The following KIF26B variants were observed in gnomAD, a reference collection of about 807,000 sequenced individuals.
The protein encoded by KIF26B is kinesin family member 26B, also known as kinesin-like protein KIF26B.
In KIF26B, 63 loss-of-function variants were observed where a neutral mutation model predicts 151.2. That is an observed-to-expected ratio of 0.42 (90% CI 0.34 to 0.51). The LOEUF (loss-of-function observed/expected upper bound fraction) is 0.51, where lower values mean the gene tolerates loss of function less well. Ranked by LOEUF, KIF26B falls within the 20% of genes least tolerant of loss-of-function variation. The pLI, the probability that KIF26B is intolerant of heterozygous loss-of-function variation, is 0.07. For missense variants in KIF26B, 2,813 were observed against 2,913.6 expected (o/e 0.97, Z 0.79); for synonymous variants, 1,357 against 1,262.1 (o/e 1.08, Z -1.59).
intron 2 of KIF26B, among the ~76,000 whole-genome samples, chr1:245,290,515 G>A (rs2102972846): frequency 6.6e-6 from 1 of 152,310 alleles, no homozygotes; most frequent in South Asian, 2.1e-4. Flanking sequence ...GACCATGTAG[G>A]GTAACTTCCT....
At chr1:245,300,882 G>T (rs189675480) in intron 2 of KIF26B, among the ~76,000 whole-genome samples, 121 of 150,742 alleles carry the variant, frequency 8.0e-4, no homozygotes, top group Admixed American at 5.6e-3. Context: ...CCAGGCTGGA[G>T]TGCGGTGATG....
At chr1:245,290,666 G>T (rs757461844) in intron 2 of KIF26B, among the ~76,000 whole-genome samples, 6 of 152,188 alleles carry the variant, frequency 3.9e-5, no homozygotes, top group Non-Finnish European at 7.3e-5. Context: ...TATCGGCAGG[G>T]TGTTTATGAC....
intron 2 of KIF26B, among the ~76,000 whole-genome samples, chr1:245,173,521 A>G (rs552489986): frequency 6.6e-6 from 1 of 152,268 alleles, no homozygotes; most frequent in South Asian, 2.1e-4. Context: ...AGCACGTTAC[A>G]AGCAGTCTCA....
At chr1:245,396,508 C>A (rs113113005) in intron 3 of KIF26B, among the ~76,000 whole-genome samples, 4 of 151,944 alleles carry the variant, frequency 2.6e-5, no homozygotes, top group African/African-American at 9.7e-5. Flanking sequence ...TGGTGACAGG[C>A]GCCTGTAATC....
At chr1:245,672,906 A>G (rs1311977906) in intron 10 of KIF26B, among the ~76,000 whole-genome samples, 6 of 152,150 alleles carry the variant, frequency 3.9e-5, no homozygotes, top group Non-Finnish European at 8.8e-5. Context: ...ATAAATATAA[A>G]TTCCAATATT....
chr1:245,569,833 A>G (rs1355495676), intron 5 of KIF26B, among the ~76,000 whole-genome samples: 1 of 138,776 alleles, frequency 7.2e-6, no homozygotes, highest in Non-Finnish European at 1.5e-5. Flanking sequence ...ATGATCCAAT[A>G]TAGTTCTTTT....
At chr1:245,330,811 T>TCGGGGGAGAGG (rs1359373630) in intron 2 of KIF26B, among the ~76,000 whole-genome samples, 4 of 9,452 alleles carry the variant, frequency 4.2e-4, no homozygotes, top group African/African-American at 8.6e-4. Context: ...GGGGGGAGAG[T>TCGGGGGAGAGG]CGGGGGAGAG....
rs886749635 is a variant in KIF26B, at chr1:245,572,395, G to T, written c.1351-30182G>T. Among the ~76,000 whole-genome samples the T allele has an allele frequency of 1.3e-5, 2 of 152,106 alleles. No individual in the cohort carries two copies. The highest frequency in any genetic ancestry group is 2.9e-5 in the Non-Finnish European group (2 of 68,028). On this transcript the variant is annotated intron_variant, in intron 5 of 14. Coordinates refer to ENST00000407071, the MANE Select transcript of KIF26B (RefSeq NM_018012.4). This position sits in a 1 kb window ranked among gnomAD's most constrained non-coding sequence, Gnocchi z 4.2. ...CTTATTGGGAGCAGAAGTGCCACTG[G>T]AGTAGGGTGGCTGGTTTGAGGGTGT...
chr1:245,534,978 T>C (rs1293265377), intron 4 of KIF26B, among the ~76,000 whole-genome samples: 2 of 152,152 alleles, frequency 1.3e-5, no homozygotes, highest in African/African-American at 4.8e-5. Context: ...GATGGGGGTC[T>C]CACCATGTTG....
At chr1:245,368,335 G>A (rs1016563010) in intron 3 of KIF26B, among the ~76,000 whole-genome samples, 1 of 152,128 alleles carries the variant, frequency 6.6e-6, no homozygotes, top group Non-Finnish European at 1.5e-5. Flanking sequence ...GTTTTCTGTT[G>A]GATGAGGACT....
chr1:245,675,457 C>A (rs1464938380), intron 10 of KIF26B, among the ~76,000 whole-genome samples: 2 of 152,130 alleles, frequency 1.3e-5, no homozygotes, highest in Non-Finnish European at 2.9e-5. Flanking sequence ...CAACCCTCAC[C>A]ATAACAAAGG....
chr1:245,272,615 T>G (rs1201846823), intron 2 of KIF26B, among the ~76,000 whole-genome samples: 1 of 152,080 alleles, frequency 6.6e-6, no homozygotes, highest in Non-Finnish European at 1.5e-5. Flanking sequence ...TAAAGTTGGG[T>G]TGTTTATTTG....
intron 9 of KIF26B, among the ~76,000 whole-genome samples, chr1:245,629,854 G>A (rs1771508): frequency 0.75 from 114,456 of 152,088 alleles, 43,166 homozygotes; most frequent in East Asian, 0.89. Flanking sequence ...CATCTGACAA[G>A]GGTCTAATAT....
intron 9 of KIF26B, among the ~76,000 whole-genome samples, chr1:245,640,160 T>TATATTTATATATATATATACAC: frequency 1.8e-5 from 1 of 54,850 alleles, no homozygotes; most frequent in Non-Finnish European, 3.7e-5. Context: ...TATATATATA[T>TATATTTATATATATATATACAC]ACCCTGCTAT....
rs61282912 is a variant in KIF26B, at chr1:245,316,847, A to G, written c.466-49987A>G. ...CCAGAACTAGTTCAAGGACCCTCAC[A>G]ATCACCTTCAAGGGACAAAAACCTG... On this transcript the variant is annotated intron_variant, in intron 2 of 14. Coordinates refer to ENST00000407071, the MANE Select transcript of KIF26B (RefSeq NM_018012.4). Among the ~76,000 whole-genome samples, 996 of 151,504 alleles carry G rather than the reference A, an allele frequency of 6.6e-3. 3 individuals carry two copies. Among genetic ancestry groups the G allele is most frequent in the Middle Eastern group, 0.027 (8 of 294 alleles).
intron 4 of KIF26B, among the ~76,000 whole-genome samples, chr1:245,458,242 A>T (rs1659581166): frequency 6.6e-6 from 1 of 152,148 alleles, no homozygotes. Context: ...CCTCTCTCTT[A>T]ACCCCAGGCT....
At chr1:245,585,319 G>GTGTC (rs558263665) in intron 5 of KIF26B, among the ~76,000 whole-genome samples, 23 of 152,292 alleles carry the variant, frequency 1.5e-4, no homozygotes, top group African/African-American at 5.3e-4. Context: ...AAACAAAAAC[G>GTGTC]TGTCTAGGGA....
chr1:245,367,161 G>A lies in KIF26B; in HGVS notation c.793G>A (p.Gly265Ser), dbSNP rs760072161. ...SNYTGFANKH[G>S]SKPSSLGVSN... ...CTACACAGGCTTCGCCAACAAGCAC[G>A]GCAGCAAACCCAGCAGCCTTGGGGT... The change falls in exon 3 of 15, where the codon GGC becomes AGC. Residue 265 changes from glycine to serine, a missense_variant. By Grantham distance (56) the Gly-to-Ser change is moderately conservative (BLOSUM62 0). Transcript: ENST00000407071. The surrounding 1 kb of genome is among the most constrained non-coding windows in gnomAD (Gnocchi z 4.2). 8 of 1,605,096 alleles carry A rather than the reference G, an allele frequency of 5.0e-6. No homozygotes were observed. The highest frequency in any genetic ancestry group is 2.2e-5 in the South Asian group (2 of 89,310).
At chr1:245,389,544 G>A in intron 3 of KIF26B, among the ~76,000 whole-genome samples, 1 of 152,116 alleles carries the variant, frequency 6.6e-6, no homozygotes, top group Non-Finnish European at 1.5e-5. Flanking sequence ...GGGATCCATA[G>A]CTTATAATGC....
Sources: allele counts gnomAD v4.1 joint callset (sites outside exome capture counted in the v4.1 genomes callset), GRCh38; gene constraint gnomAD v4.1.1; non-coding constraint Gnocchi (gnomAD v3.1); transcripts MANE v1.5; gene names NCBI Gene and HGNC (gene_info 2026-07-23, HGNC 2026-07-21).